Variants in ADGRE1 observed in about 807,000 individuals in gnomAD.
The protein encoded by ADGRE1 is adhesion G protein-coupled receptor E1.
Under a neutral mutation model 102.7 loss-of-function variants are expected in ADGRE1, and 82 were observed. The ratio of observed to expected loss-of-function variants is 0.80; its 90% CI spans 0.67 to 0.96. The LOEUF is 0.96. Ranked by LOEUF, ADGRE1 falls within the 40% of genes least tolerant of loss-of-function variation. ADGRE1 has a pLI of 0.00. For synonymous variants in ADGRE1, 398 were observed against 399.6 expected (o/e 1.00, Z 0.05); for missense variants, 1,032 against 1,085.3 (o/e 0.95, Z 0.69).
chr19:6,898,467 T>C (rs1167896584), intron 5 of ADGRE1: 21 of 1,589,838 alleles, frequency 1.3e-5, no homozygotes, highest in Non-Finnish European at 1.6e-5. Flanking sequence ...GTACTGGTGA[T>C]GCCCTCAGGT....
chr19:6,923,964 A>T (rs1215845942), intron 14 of ADGRE1, among the ~76,000 whole-genome samples: 2 of 151,556 alleles, frequency 1.3e-5, no homozygotes, highest in Non-Finnish European at 2.9e-5. Context: ...AAAATTAATT[A>T]TGAATAAATG....
intron 17 of ADGRE1, among the ~76,000 whole-genome samples, chr19:6,934,419 C>CTT (rs71177132): frequency 1.1e-3 from 109 of 95,394 alleles, no homozygotes; most frequent in African/African-American, 3.3e-3. Context: ...TCTTCTTCTT[C>CTT]TTTTTTTTTT....
intron 12 of ADGRE1, among the ~76,000 whole-genome samples, chr19:6,918,736 C>G (rs1974500866): frequency 6.6e-6 from 1 of 152,080 alleles, no homozygotes; most frequent in South Asian, 2.1e-4. Flanking sequence ...ACTGGGAGGT[C>G]TGTTTTGTTT....
chr19:6,936,861 G>A (rs1159972749), intron 18 of ADGRE1, among the ~76,000 whole-genome samples: 1 of 152,132 alleles, frequency 6.6e-6, no homozygotes, highest in Non-Finnish European at 1.5e-5. Flanking sequence ...GTCCTCAGGT[G>A]ATCCACCAGC....
chr19:6,911,885 C>T (rs1258898631), intron 10 of ADGRE1, among the ~76,000 whole-genome samples: 1 of 151,188 alleles, frequency 6.6e-6, no homozygotes, highest in African/African-American at 2.4e-5. Flanking sequence ...CACACATTTA[C>T]ACACATACAC....
chr19:6,921,787 T>C lies in ADGRE1; in HGVS notation c.1695T>C (p.Phe565=), dbSNP rs921357558. ...TDVKGGRWTS[F]GCVILEASET... ...TGAAGGGTGGAAGATGGACATCCTT[T>C]GGCTGTGTGATCCTGGAAGCTTCTG... Residue 565 remains phenylalanine, a synonymous_variant, in exon 14 of 21, where the codon TTT becomes TTC. Coordinates refer to ENST00000312053, the MANE Select transcript of ADGRE1 (RefSeq NM_001974.5). The C allele has an allele frequency of 5.0e-6, 8 of 1,614,076 alleles. No individual in the cohort carries two copies. The African/African-American group carries it at 8.0e-5, about 16-fold the overall frequency.
intron 11 of ADGRE1, among the ~76,000 whole-genome samples, chr19:6,915,920 CAAAAAAAA>C (rs67370670): frequency 3.4e-5 from 2 of 59,172 alleles, no homozygotes; most frequent in African/African-American, 1.6e-4. Context: ...GACTCCGTCT[CAAAAAAAA>C]AAAAAAAAAA....
intron 20 of ADGRE1, among the ~76,000 whole-genome samples, chr19:6,938,083 T>C (rs1411837272): frequency 6.6e-6 from 1 of 151,976 alleles, no homozygotes; most frequent in African/African-American, 2.4e-5. Flanking sequence ...ACACCTGTAA[T>C]CCCAACACTT....
intron 10 of ADGRE1, among the ~76,000 whole-genome samples, chr19:6,909,804 G>A (rs1370876949): frequency 2.0e-5 from 3 of 151,936 alleles, no homozygotes; most frequent in Non-Finnish European, 2.9e-5. Flanking sequence ...GTGCGATCTT[G>A]GCTCACCGCA....
rs189519483 is a variant in ADGRE1, at chr19:6,896,221, C to A, written c.95-177C>A. The A allele has an allele frequency of 3.4e-4, 199 of 592,116 alleles. 1 individual carries two copies. The highest frequency in any genetic ancestry group is 3.3e-3 in the African/African-American group (175 of 53,618). 36.7% of individuals were successfully genotyped at this position (592,116 alleles called of 1,614,324 possible). ...TTTATCTTAATTGCATCTACAAAGA[C>A]CCAGTTTCCAAATAAGATGAAATTC... On this transcript the variant is annotated intron_variant, in intron 2 of 20. Transcript: ENST00000312053.
intron 17 of ADGRE1, among the ~76,000 whole-genome samples, chr19:6,933,963 A>G (rs960935857): frequency 3.3e-5 from 5 of 152,120 alleles, no homozygotes; most frequent in Admixed American, 1.3e-4. Flanking sequence ...TTCGCAGTCT[A>G]TGTCCTAACG....
intron 12 of ADGRE1, among the ~76,000 whole-genome samples, chr19:6,917,277 A>G (rs1377375779): frequency 1.3e-5 from 2 of 152,268 alleles, no homozygotes; most frequent in African/African-American, 4.8e-5. Context: ...AGTGTGCAAT[A>G]TGGAAGAGCT....
At chr19:6,932,453 G>A (rs185843285) in intron 17 of ADGRE1, among the ~76,000 whole-genome samples, 14 of 152,152 alleles carry the variant, frequency 9.2e-5, no homozygotes, top group African/African-American at 3.4e-4. Flanking sequence ...GGGTGACAGA[G>A]CAAGACTTGG....
rs1431788365 is a variant in ADGRE1 at position 6,902,008 on chromosome 19, A to G, written c.648A>G (p.Lys216=). 6.2e-7 allele frequency: 1 copy of G among 1,614,044 alleles called. No individual in the cohort carries two copies. The highest frequency in any genetic ancestry group is 8.5e-7 in the Non-Finnish European group (1 of 1,180,026). Residue 216 remains lysine (K), a synonymous_variant, in exon 6 of 21, where the codon AAA becomes AAG. Coordinates refer to ENST00000312053, the MANE Select transcript of ADGRE1 (RefSeq NM_001974.5). The stretch of plus-strand genomic sequence containing the variant: ...GCCACTTGAGTTTCCAGGGTCTCAA[A>G]GCATCGTGTGAAGGTAGGTGGGGGT... The part of the protein sequence containing the change: ...SSGHLSFQGL[K]ASCEDIDECT...
At chr19:6,892,132 G>A (rs1352716901) in intron 2 of ADGRE1, among the ~76,000 whole-genome samples, 1 of 152,162 alleles carries the variant, frequency 6.6e-6, no homozygotes, top group Non-Finnish European at 1.5e-5. Flanking sequence ...AATGCCGGAA[G>A]TCTGCATAGA....
intron 16 of ADGRE1, 57 bp downstream of exon 16, chr19:6,926,658 T>C (rs921193364): frequency 6.5e-7 from 1 of 1,547,262 alleles, no homozygotes; most frequent in African/African-American, 1.4e-5. Flanking sequence ...ATGGTGATAA[T>C]GACATGAGCA....
intron 17 of ADGRE1, among the ~76,000 whole-genome samples, chr19:6,933,513 C>T (rs1165429213): frequency 2.6e-5 from 4 of 151,538 alleles, no homozygotes; most frequent in Admixed American, 2.0e-4. Context: ...TCAGCCTCTG[C>T]GGTAGCTGGG....
At chr19:6,936,574 C>T (rs2453108) in intron 18 of ADGRE1, among the ~76,000 whole-genome samples, 65,688 of 150,742 alleles carry the variant, frequency 0.44, 16,827 homozygotes, top group East Asian at 0.69. Context: ...GGTGGCTTTT[C>T]GTACATTCAC....
chr19:6,921,590 C>T, intron 13 of ADGRE1, 123 bp from the exon 14 acceptor site: 1 of 1,137,152 alleles, frequency 8.8e-7, no homozygotes, highest in South Asian at 1.9e-5. Context: ...CATTTTTCCC[C>T]ATTCCCTCAG....
Sources: allele counts gnomAD v4.1 joint callset (sites outside exome capture counted in the v4.1 genomes callset), GRCh38; gene constraint gnomAD v4.1.1; transcripts MANE v1.5; gene names NCBI Gene and HGNC (gene_info 2026-07-23, HGNC 2026-07-21).